CALN1: variants seen among roughly 807,000 people sequenced by gnomAD.
CALN1 encodes calneuron 1.
A neutral mutation model predicts 30.6 loss-of-function variants in CALN1; 17 were observed. The observed-to-expected ratio is 0.56, with a 90% CI of 0.38 to 0.83. CALN1 has a LOEUF of 0.83. CALN1 is among the 40% of genes least tolerant of loss of function. The probability of loss-of-function intolerance (pLI) is 0.00; values close to 1 mark genes in which losing one functional copy is unlikely to be tolerated. For synonymous variants in CALN1, 156 were observed against 131.4 expected (o/e 1.19, Z -1.28); for missense variants, 291 against 354.9 (o/e 0.82, Z 1.45).
upstream of CALN1, among the ~76,000 whole-genome samples, chr7:72,416,360 G>A (rs1807418382): frequency 6.6e-6 from 1 of 152,232 alleles, no homozygotes; most frequent in South Asian, 2.1e-4. Context: ...TGCAGGAGTA[G>A]TCACAGAGCT....
chr7:72,322,328 G>A lies in CALN1; in HGVS notation c.120-43518C>T, dbSNP rs556430740. On this transcript the variant is annotated intron_variant, in intron 2 of 6. Coordinates refer to ENST00000395275, the MANE Select transcript of CALN1 (RefSeq NM_031468.4). ...AGGCGGAGCTCAGGTTTACGGTAAT[G>A]TAAGCAATGGGGAGTGGCTGTAAAT... Among the ~76,000 whole-genome samples the A allele has an allele frequency of 1.2e-4, 19 of 152,294 alleles. No individual in the cohort carries two copies. The South Asian group carries it at 2.9e-3, about 23-fold the overall frequency.
chr7:71,836,782 T>C (rs1474418651), intron 5 of CALN1, among the ~76,000 whole-genome samples: 7 of 151,858 alleles, frequency 4.6e-5, no homozygotes, highest in Admixed American at 4.6e-4. Context: ...CACGTCCAGC[T>C]AATTTTTGTA....
At chr7:71,918,253 GTC>G (rs1318736486) in intron 5 of CALN1, among the ~76,000 whole-genome samples, 4 of 152,200 alleles carry the variant, frequency 2.6e-5, no homozygotes, top group Non-Finnish European at 5.9e-5. Flanking sequence ...AGAACAAAGT[GTC>G]TCTTGCCATT....
At chr7:72,018,895 G>C (rs1256021075) in intron 5 of CALN1, among the ~76,000 whole-genome samples, 1 of 152,092 alleles carries the variant, frequency 6.6e-6, no homozygotes, top group African/African-American at 2.4e-5. Flanking sequence ...GGAGTGCAGT[G>C]GCTCGATCTC....
At chr7:72,231,021 C>T (rs539496054) in intron 3 of CALN1, among the ~76,000 whole-genome samples, 1 of 152,130 alleles carries the variant, frequency 6.6e-6, no homozygotes, top group African/African-American at 2.4e-5. Context: ...GGGCATGAAT[C>T]GTGCCTTTGT....
At chr7:71,877,651 T>C (rs1463418774) in intron 5 of CALN1, among the ~76,000 whole-genome samples, 2 of 144,350 alleles carry the variant, frequency 1.4e-5, no homozygotes, top group Non-Finnish European at 3.0e-5. Flanking sequence ...AAAAAAACGA[T>C]GGAGAAATAA....
chr7:72,336,857 C>T (rs1802091679), intron 2 of CALN1: 1 of 985,106 alleles, frequency 1.0e-6, no homozygotes, highest in African/African-American at 1.7e-5. Context: ...AGCAGGCAGC[C>T]GCGTCCCCGT....
intron 3 of CALN1, among the ~76,000 whole-genome samples, chr7:72,274,359 T>C (rs1797201125): frequency 6.6e-6 from 1 of 151,992 alleles, no homozygotes; most frequent in Non-Finnish European, 1.5e-5. Context: ...AACACAAAAA[T>C]TAGTCAGGCG....
At chr7:72,240,756 T>C (rs1241622893) in intron 3 of CALN1, among the ~76,000 whole-genome samples, 1 of 152,220 alleles carries the variant, frequency 6.6e-6, no homozygotes, top group Non-Finnish European at 1.5e-5. Context: ...GTGTGGGCAG[T>C]GTTCTTGGAG....
chr7:72,302,940 G>A (rs1412768761), intron 2 of CALN1, among the ~76,000 whole-genome samples: 3 of 149,478 alleles, frequency 2.0e-5, no homozygotes, highest in African/African-American at 7.4e-5. Flanking sequence ...GGGCCTGGTG[G>A]CATCCATCTG....
chr7:71,900,597 G>A (rs929397262), intron 5 of CALN1, among the ~76,000 whole-genome samples: 2 of 152,192 alleles, frequency 1.3e-5, no homozygotes, highest in African/African-American at 4.8e-5. Flanking sequence ...TTACTTGCAG[G>A]TGGCTAAGAG....
chr7:71,898,858 A>AAT (rs1793693163), intron 5 of CALN1, among the ~76,000 whole-genome samples: 1 of 152,208 alleles, frequency 6.6e-6, no homozygotes, highest in African/African-American at 2.4e-5. Flanking sequence ...ACACTGGAAT[A>AAT]ATATAATCTC....
intron 3 of CALN1, among the ~76,000 whole-genome samples, chr7:72,162,819 G>A (rs1158141076): frequency 6.6e-6 from 1 of 152,182 alleles, no homozygotes; most frequent in Non-Finnish European, 1.5e-5. Context: ...GTCAGTATGA[G>A]CCATGAGGTG....
At chr7:72,177,256 A>G (rs1789422797) in intron 3 of CALN1, among the ~76,000 whole-genome samples, 1 of 152,098 alleles carries the variant, frequency 6.6e-6, no homozygotes, top group Non-Finnish European at 1.5e-5. Context: ...TCAAGTGCTT[A>G]CCCTGACTTA....
Position 71,786,005 on chromosome 7 carries a change from T to C in CALN1, c.*1770A>G, listed in dbSNP as rs1401188326. The C allele has an allele frequency of 6.5e-6, 1 of 152,684 alleles. No individual in the cohort carries two copies. Among genetic ancestry groups the C allele is most frequent in the Non-Finnish European group, 1.5e-5 (1 of 68,050 alleles). The allele number at this position is 152,684 out of a possible 1,614,324, so 9.5% of individuals were successfully genotyped here. The stretch of plus-strand genomic sequence containing the variant: ...ATGGCTGAAGCCTTAGTTTTACTTG[T>C]GCTCATCAGGAATATTCATAGTCTC... On this transcript the variant is annotated 3_prime_UTR_variant, in exon 7 of 7. Coordinates refer to ENST00000395275, the MANE Select transcript of CALN1 (RefSeq NM_031468.4).
chr7:71,964,898 T>C (rs1023595544), intron 5 of CALN1, among the ~76,000 whole-genome samples: 1 of 152,178 alleles, frequency 6.6e-6, no homozygotes, highest in Non-Finnish European at 1.5e-5. Flanking sequence ...CTGTAAGGAA[T>C]AGATGGTTTC....
At position 72,147,845 on chromosome 7, in the gene CALN1, A is replaced by T. The variant is rs560602470; in HGVS notation, c.245-41551T>A. On this transcript the variant is annotated intron_variant, in intron 3 of 6. Coordinates refer to ENST00000395275, the MANE Select transcript of CALN1 (RefSeq NM_031468.4). ...CCATCATTCTCAGTAAACTATCGCAAGGACAAAAAACCAAACATCGCATGT... is the reference window on the plus strand; with the variant it reads ...CCATCATTCTCAGTAAACTATCGCATGGACAAAAAACCAAACATCGCATGT... 3.2e-4 allele frequency among the ~76,000 whole-genome samples: 48 copies of T among 151,648 alleles called. No individual in the cohort carries two copies. In the South Asian group the frequency reaches 9.8e-3, roughly 31 times the overall value.
chr7:72,320,020 G>A (rs746752977), intron 2 of CALN1, among the ~76,000 whole-genome samples: 22 of 152,214 alleles, frequency 1.4e-4, no homozygotes, highest in Non-Finnish European at 2.4e-4. Flanking sequence ...TAGCCAGGGC[G>A]TGAGACAGGA....
At chr7:71,807,886 T>C (rs1352582854) in intron 6 of CALN1, among the ~76,000 whole-genome samples, 1 of 152,086 alleles carries the variant, frequency 6.6e-6, no homozygotes, top group African/African-American at 2.4e-5. Context: ...CCATCCTCAC[T>C]AACACAGTGA....
Sources: allele counts gnomAD v4.1 joint callset (sites outside exome capture counted in the v4.1 genomes callset), GRCh38; gene constraint gnomAD v4.1.1; transcripts MANE v1.5; gene names NCBI Gene and HGNC (gene_info 2026-07-23, HGNC 2026-07-21).